The following ESRRG variants were observed in gnomAD, a reference collection of about 807,000 sequenced individuals.
ESRRG encodes estrogen related receptor gamma.
ESRRG carries 13 observed loss-of-function variants against 44.0 expected under a neutral mutation model. The ratio of observed to expected loss-of-function variants is 0.30; its 90% CI spans 0.19 to 0.47. ESRRG has a LOEUF of 0.47. Among genes scored for constraint, ESRRG ranks in the 20% least tolerant of loss-of-function variants. The pLI, the probability that ESRRG is intolerant of heterozygous loss-of-function variation, is 1.00. For synonymous variants in ESRRG, 215 were observed against 214.6 expected, an observed-to-expected ratio of 1.00 and a Z score of -0.02; for missense variants, 395 against 580.6, an observed-to-expected ratio of 0.68 and a Z score of 3.29.
At chr1:216,832,847 G>A (rs2095507483) in intron 2 of ESRRG, among the ~76,000 whole-genome samples, 1 of 151,998 alleles carries the variant, frequency 6.6e-6, no homozygotes, top group Non-Finnish European at 1.5e-5. Flanking sequence ...GTAGTGATGT[G>A]TGCCTGTAAT....
intron 2 of ESRRG, among the ~76,000 whole-genome samples, chr1:216,764,578 ACTCTTAACTCCTGGT>A (rs1210195924): frequency 1.3e-5 from 2 of 148,524 alleles, no homozygotes; most frequent in African/African-American, 5.0e-5. Context: ...CCAGGGGGGG[ACTCTTAACTCCTGGT>A]CTCAAGCAAA....
chr1:216,904,643 T>G (rs2059485918), intron 2 of ESRRG, among the ~76,000 whole-genome samples: 1 of 152,004 alleles, frequency 6.6e-6, no homozygotes. Context: ...CACCAGAGAA[T>G]GAGATGTTCA....
At chr1:216,698,236 G>C (rs1451539531) in intron 1 of ESRRG, among the ~76,000 whole-genome samples, 1 of 152,152 alleles carries the variant, frequency 6.6e-6, no homozygotes. Context: ...TGCAAGTTTT[G>C]GCGGGGCGCG....
At chr1:216,911,481 G>A (rs1445787635) in intron 2 of ESRRG, among the ~76,000 whole-genome samples, 3 of 152,160 alleles carry the variant, frequency 2.0e-5, no homozygotes, top group Non-Finnish European at 2.9e-5. Context: ...GATATTTAGG[G>A]CAGTGAAACT....
chr1:216,518,873 A>G (rs2045207030), intron 6 of ESRRG, among the ~76,000 whole-genome samples: 1 of 152,218 alleles, frequency 6.6e-6, no homozygotes, highest in Non-Finnish European at 1.5e-5. Flanking sequence ...CATTTATGCT[A>G]TTACTACAAG....
intron 3 of ESRRG, among the ~76,000 whole-genome samples, chr1:216,576,838 G>A (rs1336418997): frequency 6.6e-6 from 1 of 151,128 alleles, no homozygotes; most frequent in Non-Finnish European, 1.5e-5. Flanking sequence ...TCTGCAACAG[G>A]TGACAAGTTT....
rs112090928 is a variant in ESRRG at position 216,626,305 on chromosome 1, G to A, written c.589+24668C>T. Among the ~76,000 whole-genome samples, 1,346 of 151,820 alleles carry A rather than the reference G, an allele frequency of 8.9e-3. 25 individuals are homozygous for A. Among genetic ancestry groups the A allele is most frequent in the African/African-American group, 0.031 (1,280 of 41,338 alleles). Reference sequence around the variant, plus strand: ...TTTAAATTCCTCTTCTCCTACCCTCGGCTTATTATCAGCAAACCCAGGATT... The same window carrying A: ...TTTAAATTCCTCTTCTCCTACCCTCAGCTTATTATCAGCAAACCCAGGATT... On this transcript the variant is annotated intron_variant, in intron 3 of 6. Coordinates refer to ENST00000408911, the MANE Select transcript of ESRRG (RefSeq NM_001438.4).
chr1:216,563,004 T>C (rs1465590238), intron 5 of ESRRG, among the ~76,000 whole-genome samples: 1 of 152,194 alleles, frequency 6.6e-6, no homozygotes. Context: ...CAATATCAAA[T>C]ATCCACACAA....
chr1:216,910,297 G>A (rs760503443), intron 2 of ESRRG, among the ~76,000 whole-genome samples: 3 of 151,810 alleles, frequency 2.0e-5, no homozygotes, highest in Non-Finnish European at 4.4e-5. Context: ...CACATGGCTT[G>A]ATTCCAAAGC....
At chr1:216,695,605 T>C (rs1393894480) in intron 1 of ESRRG, among the ~76,000 whole-genome samples, 2 of 152,194 alleles carry the variant, frequency 1.3e-5, no homozygotes, top group Non-Finnish European at 1.5e-5. Flanking sequence ...AGCTACTTAA[T>C]AAATGTGTCA....
chr1:217,025,061 T>C (rs1438373477), intron 1 of ESRRG, among the ~76,000 whole-genome samples: 2 of 152,128 alleles, frequency 1.3e-5, no homozygotes, highest in African/African-American at 2.4e-5. Flanking sequence ...GTTATCCTGC[T>C]CAGGACCCCA....
At chr1:216,563,214 C>A (rs957209664) in intron 5 of ESRRG, among the ~76,000 whole-genome samples, 1 of 152,132 alleles carries the variant, frequency 6.6e-6, no homozygotes, top group Non-Finnish European at 1.5e-5. Context: ...AGAACTACAA[C>A]GAACAAAGCC....
chr1:216,915,511 A>G (rs1395247252), intron 2 of ESRRG, among the ~76,000 whole-genome samples: 1 of 152,056 alleles, frequency 6.6e-6, no homozygotes, highest in Non-Finnish European at 1.5e-5. Context: ...CTTTGAACAC[A>G]ACATTTTGCA....
intron 2 of ESRRG, among the ~76,000 whole-genome samples, chr1:216,669,339 G>T (rs1170320039): frequency 6.6e-6 from 1 of 152,108 alleles, no homozygotes. Context: ...GTTCCAGTAA[G>T]TCAAAACCAG....
intron 2 of ESRRG, among the ~76,000 whole-genome samples, chr1:216,761,220 C>T (rs1247642013): frequency 8.5e-6 from 1 of 117,524 alleles, no homozygotes; most frequent in African/African-American, 3.8e-5. Context: ...CTTATACATA[C>T]TTCCTTTTTT....
At chr1:217,071,681 A>T (rs1002068190) in intron 1 of ESRRG, among the ~76,000 whole-genome samples, 2 of 152,206 alleles carry the variant, frequency 1.3e-5, no homozygotes, top group African/African-American at 2.4e-5. Context: ...TTGGAGACAA[A>T]AACCTCCAAT....
intron 5 of ESRRG, among the ~76,000 whole-genome samples, chr1:216,556,582 T>C (rs1355811526): frequency 6.6e-6 from 1 of 152,168 alleles, no homozygotes; most frequent in Non-Finnish European, 1.5e-5. Context: ...TCAATAGCAC[T>C]TCACTGCCTT....
intron 1 of ESRRG, among the ~76,000 whole-genome samples, chr1:217,079,745 G>A (rs890026975): frequency 6.6e-6 from 1 of 152,158 alleles, no homozygotes; most frequent in African/African-American, 2.4e-5. Flanking sequence ...CGCCTGGCAC[G>A]CATGCATTTA....
At chr1:216,920,383 AGTGT>A (rs10534433) in intron 2 of ESRRG, among the ~76,000 whole-genome samples, 2,682 of 124,054 alleles carry the variant, frequency 0.022, 26 homozygotes, top group African/African-American at 0.039. Context: ...AATGTATGGG[AGTGT>A]GTGTGTGTGT....
Sources: gnomAD v4.1 joint callset for allele counts (sites outside exome capture counted in the v4.1 genomes callset) on GRCh38, gnomAD v4.1.1 for gene constraint, MANE v1.5 for transcripts, NCBI Gene and HGNC (gene_info 2026-07-23, HGNC 2026-07-21) for gene names.